The following CLEC4G variants were observed in gnomAD, a reference collection of about 807,000 sequenced individuals.
CLEC4G encodes the protein C-type lectin superfamily 4, member G.
In CLEC4G, 34 loss-of-function variants were observed where a neutral mutation model predicts 37.0. That is an observed-to-expected ratio of 0.92 (90% CI 0.70 to 1.22). The LOEUF (loss-of-function observed/expected upper bound fraction) is 1.22. Among genes scored for constraint, CLEC4G ranks in the 50% most tolerant of loss-of-function variants. CLEC4G has a pLI of 0.00. For missense variants in CLEC4G, 390 were observed against 392.9 expected, an observed-to-expected ratio of 0.99 and a Z score of 0.06; for synonymous variants, 167 against 165.6, an observed-to-expected ratio of 1.01 and a Z score of -0.06.
rs2033403557 is a variant in CLEC4G at position 7,730,049 on chromosome 19, G to A, written c.597C>T (p.His199=). Residue 199 remains histidine, a synonymous_variant, in exon 7 of 9, where the codon CAC becomes CAT. Transcript: ENST00000328853. This position sits in a 1 kb window ranked among gnomAD's most constrained non-coding sequence, Gnocchi z 7.3. ...CATCCAGGCCCCCAACGATCACCAG[G>A]TGCGCGCTGGCATCTGCGCAGTGAT... is the stretch of plus-strand genomic sequence containing the variant. ...AQDHCADASA[H]LVIVGGLDEQ... 6 of 1,603,562 alleles carry A rather than the reference G, an allele frequency of 3.7e-6. No homozygotes were observed. In the African/African-American group the frequency reaches 4.0e-5, roughly 11 times the overall value.
At position 7,731,323 on chromosome 19, in the gene CLEC4G, A is replaced by G; in HGVS notation, c.167-4T>C. On this transcript the variant is annotated splice_region_variant and splice_polypyrimidine_tract_variant and intron_variant, in intron 2 of 8. Coordinates refer to ENST00000328853, the MANE Select transcript of CLEC4G (RefSeq NM_198492.4). ...AGCGCCGCGCGCTCCGTGGAGGCTGAGGAGAGAGGCTCCTGCAGGCGAGGC... is the reference window on the plus strand; with the variant it reads ...AGCGCCGCGCGCTCCGTGGAGGCTGGGGAGAGAGGCTCCTGCAGGCGAGGC... 1 of 1,570,510 alleles carries G rather than the reference A, an allele frequency of 6.4e-7. No individual in the cohort carries two copies. The highest frequency in any genetic ancestry group is 1.3e-5 in the African/African-American group (1 of 74,476).
rs577665877 is a variant in CLEC4G, at chr19:7,729,648, G to A, written c.744-144C>T. 8 of 1,238,084 alleles carry A rather than the reference G, an allele frequency of 6.5e-6. No individual in the cohort carries two copies. In the Admixed American group the frequency reaches 1.3e-4, roughly 20 times the overall value. 76.7% of individuals were successfully genotyped at this position (1,238,084 alleles called of 1,614,324 possible). On this transcript the variant is annotated intron_variant, in intron 8 of 8. Transcript: ENST00000328853. ...ACTGTCTAACCTGAGTATACACCTG[G>A]TATATAACTTTTTAACGCCCAGAAT...
chr19:7,729,279 G>T lies in CLEC4G; in HGVS notation c.*87C>A. The T allele has an allele frequency of 1.1e-6, 1 of 884,190 alleles. No homozygotes were observed. Among genetic ancestry groups the T allele is most frequent in the Non-Finnish European group, 1.9e-6 (1 of 525,748 alleles). 54.8% of individuals were successfully genotyped at this position (884,190 alleles called of 1,614,324 possible). A position where few individuals can be genotyped will look rare whatever the true frequency, so the allele number is the denominator to read the frequency against. ...GTGGATGAGGAAGAAAAAACTCTTT[G>T]GCAATCAGCTCCAGGAGCCAGGGAG... On this transcript the variant is annotated 3_prime_UTR_variant, in exon 9 of 9. Coordinates refer to ENST00000328853, the MANE Select transcript of CLEC4G (RefSeq NM_198492.4).
chr19:7,729,892 G>A lies in CLEC4G; in HGVS notation c.672C>T (p.Gly224=), dbSNP rs751477877. 8 of 1,613,284 alleles carry A rather than the reference G, an allele frequency of 5.0e-6. No individual in the cohort carries two copies. Among genetic ancestry groups the A allele is most frequent in the Non-Finnish European group, 5.1e-6 (6 of 1,179,954 alleles). Residue 224 remains glycine, a synonymous_variant, in exon 8 of 9, where the codon GGC becomes GGT. Coordinates refer to ENST00000328853, the MANE Select transcript of CLEC4G (RefSeq NM_198492.4). ...TGCCCAGATGGCGCACAGCCCTCAGGCCCAGCCAGTAACCACGGCCACGCG... is the reference window on the plus strand; with the variant it reads ...TGCCCAGATGGCGCACAGCCCTCAGACCCAGCCAGTAACCACGGCCACGCG... The part of the protein sequence containing the change: ...RNTRGRGYWL[G]LRAVRHLGKV...
intron 7 of CLEC4G, 28 bp downstream of exon 7, chr19:7,729,991 C>T (rs779171175): frequency 1.4e-5 from 23 of 1,602,534 alleles, no homozygotes; most frequent in Non-Finnish European, 1.8e-5. Flanking sequence ...TGCCCCACCG[C>T]CTGACCACGC....
Position 7,729,197 on chromosome 19 carries a change from C to T in CLEC4G, c.*169G>A, listed in dbSNP as rs757600486. On this transcript the variant is annotated 3_prime_UTR_variant, in exon 9 of 9. Coordinates refer to ENST00000328853, the MANE Select transcript of CLEC4G (RefSeq NM_198492.4). ...AGGTCGGCATGGAGGTCCCAGAGCC[C>T]AGGCACTGGGCTGGACAGGGCTATG... The T allele has an allele frequency of 9.1e-5, 64 of 700,442 alleles. No individual in the cohort carries two copies. Among genetic ancestry groups the T allele is most frequent in the Middle Eastern group, 4.6e-4 (2 of 4,380 alleles). 43.4% of individuals were successfully genotyped at this position (700,442 alleles called of 1,614,324 possible). A position where few individuals can be genotyped will look rare whatever the true frequency, so the allele number is the denominator to read the frequency against.
At position 7,730,835 on chromosome 19, in the gene CLEC4G, T is replaced by C; in HGVS notation, c.308A>G (p.Gln103Arg). 5 of 1,530,960 alleles carry C rather than the reference T, an allele frequency of 3.3e-6. No individual in the cohort carries two copies. The highest frequency in any genetic ancestry group is 4.4e-6 in the Non-Finnish European group (5 of 1,145,416). 94.8% of individuals were successfully genotyped at this position (1,530,960 alleles called of 1,614,324 possible). Residue 103 changes from glutamine (Q) to arginine (R), a missense_variant, in exon 5 of 9, where the codon CAG becomes CGG. Transcript: ENST00000328853. This position sits in a 1 kb window ranked among gnomAD's most constrained non-coding sequence, Gnocchi z 7.3. ...CTCCCCAAGCTCCGCGCGCGTGGTC[T>C]GCAGCTGCGCCTGCGTCCCCGAGCC... is the stretch of plus-strand genomic sequence containing the variant. Reference protein sequence around the residue: ...SCCSGTQAQLQTTRAELGEAQ... With the variant: ...SCCSGTQAQLRTTRAELGEAQ...
rs767665694 is a variant in CLEC4G at position 7,730,166 on chromosome 19, G to A, written c.480C>T (p.Asn160=). The A allele has an allele frequency of 4.3e-6, 7 of 1,611,652 alleles. No homozygotes were observed. Among genetic ancestry groups the A allele is most frequent in the Non-Finnish European group, 5.9e-6 (7 of 1,179,270 alleles). Residue 160 remains asparagine, a splice_region_variant and synonymous_variant, in exon 7 of 9, where the codon AAC becomes AAT. Transcript: ENST00000328853. The surrounding 1 kb of genome is among the most constrained non-coding windows in gnomAD (Gnocchi z 7.3). ...ACGACGTGGGGCACGGCTCGCAGGA[G>A]TCTGCGGGGTGGCGAGGGTCAGAGA... ...RALEAVRLQN[N]SCEPCPTSWL...
rs2033388591 is a variant in CLEC4G, at chr19:7,729,224, T to C, written c.*142A>G. 3 of 718,180 alleles carry C rather than the reference T, an allele frequency of 4.2e-6. No homozygotes were observed. The highest frequency in any genetic ancestry group is 1.5e-5 in the South Asian group (1 of 68,136). 44.5% of individuals were successfully genotyped at this position (718,180 alleles called of 1,614,324 possible). A position where few individuals can be genotyped will look rare whatever the true frequency, so the allele number is the denominator to read the frequency against. Reference sequence around the variant, plus strand: ...GGCACTGGGCTGGACAGGGCTATGTTGGGCCAAGTGTTTCTGAGACTCAGC... The same window carrying C: ...GGCACTGGGCTGGACAGGGCTATGTCGGGCCAAGTGTTTCTGAGACTCAGC... On this transcript the variant is annotated 3_prime_UTR_variant, in exon 9 of 9. Coordinates refer to ENST00000328853, the MANE Select transcript of CLEC4G (RefSeq NM_198492.4).
rs2033429652 is a variant in CLEC4G at position 7,731,329 on chromosome 19, G to A, written c.167-10C>T. ...GCGCGCTCCGTGGAGGCTGAGGAGAGAGGCTCCTGCAGGCGAGGCCGGGAA... is the reference window on the plus strand; with the variant it reads ...GCGCGCTCCGTGGAGGCTGAGGAGAAAGGCTCCTGCAGGCGAGGCCGGGAA... On this transcript the variant is annotated splice_polypyrimidine_tract_variant and intron_variant, in intron 2 of 8. Coordinates refer to ENST00000328853, the MANE Select transcript of CLEC4G (RefSeq NM_198492.4). 1 of 1,567,416 alleles carries A rather than the reference G, an allele frequency of 6.4e-7. No homozygotes were observed. The highest frequency in any genetic ancestry group is 8.6e-7 in the Non-Finnish European group (1 of 1,161,922).
Position 7,729,329 on chromosome 19 carries a change from T to G in CLEC4G, c.*37A>C, listed in dbSNP as rs765567695. 23 of 1,459,160 alleles carry G rather than the reference T, an allele frequency of 1.6e-5. No individual in the cohort carries two copies. Among genetic ancestry groups the G allele is most frequent in the Non-Finnish European group, 2.2e-5 (23 of 1,042,858 alleles). The allele number at this position is 1,459,160 out of a possible 1,614,324, so 90.4% of individuals were successfully genotyped here. On this transcript the variant is annotated 3_prime_UTR_variant, in exon 9 of 9. Coordinates refer to ENST00000328853, the MANE Select transcript of CLEC4G (RefSeq NM_198492.4). ...GGTGAGCAGCCCCCAGGATACGACA[T>G]GCTGCAATGGGCGCGGCTCCAGGGC...
At chr19:7,729,769 T>C (rs1427533800) in intron 8 of CLEC4G, 52 bp downstream of exon 8, 1 of 1,607,930 alleles carries the variant, frequency 6.2e-7, no homozygotes, top group African/African-American at 1.3e-5. Flanking sequence ...GCATGTCCTC[T>C]AGAGCCTAAC....
At position 7,729,541 on chromosome 19, in the gene CLEC4G, T is replaced by G. The variant is rs199575411; in HGVS notation, c.744-37A>C. ...TTGAGTGGGGGTGTTGCTGGGAATCTAGACAGAGGATGAACTCGGGGTCCC... is the reference window on the plus strand; with the variant it reads ...TTGAGTGGGGGTGTTGCTGGGAATCGAGACAGAGGATGAACTCGGGGTCCC... On this transcript the variant is annotated intron_variant, in intron 8 of 8. Coordinates refer to ENST00000328853, the MANE Select transcript of CLEC4G (RefSeq NM_198492.4). 803 of 1,518,582 alleles carry G rather than the reference T, an allele frequency of 5.3e-4. 2 individuals are homozygous for G. The highest frequency in any genetic ancestry group is 5.7e-4 in the Non-Finnish European group (638 of 1,113,994). The allele number at this position is 1,518,582 out of a possible 1,614,324, so 94.1% of individuals were successfully genotyped here.
rs374423504 is a variant in CLEC4G at position 7,730,396 on chromosome 19, G to C, written c.433C>G (p.Arg145Gly). The part of the protein sequence containing the change: ...AEAGRGREDV[R>G]TELFRALEAV... Reference sequence around the variant, plus strand: ...TCCAGCGCCCGGAACAGCTCAGTGCGGACGTCCTCACGGCCCCTGCCGGCT... The same window carrying C: ...TCCAGCGCCCGGAACAGCTCAGTGCCGACGTCCTCACGGCCCCTGCCGGCT... Residue 145 changes from arginine to glycine, a missense_variant, in exon 6 of 9, where the codon CGC becomes GGC. Transcript: ENST00000328853. The surrounding 1 kb of genome is among the most constrained non-coding windows in gnomAD (Gnocchi z 7.3). 1.2e-5 allele frequency: 19 copies of C among 1,602,664 alleles called. No individual in the cohort carries two copies. In the Admixed American group the frequency reaches 2.8e-4, roughly 24 times the overall value.
intron 1 of CLEC4G, 59 bp downstream of exon 1, chr19:7,731,989 C>T (rs1223365887): frequency 1.0e-5 from 15 of 1,475,634 alleles, no homozygotes; most frequent in South Asian, 3.4e-5. Flanking sequence ...CTCTTCCCTC[C>T]CCTCCCCCAT....
At position 7,729,416 on chromosome 19, in the gene CLEC4G, A is replaced by ACGGTG; in HGVS notation, c.827_831dup (p.Cys278HisfsTer46). ...ATCCAGCCGTCCTTCTCGCTGTCAC[A>ACGGTG]CGGTGCGTCGTTCCACAGCCCCGTG... On this transcript the variant is annotated frameshift_variant, in exon 9 of 9. Transcript: ENST00000328853. LOFTEE classifies it high-confidence loss of function. 1.2e-6 allele frequency: 2 copies of ACGGTG among 1,607,744 alleles called. No homozygotes were observed.
At position 7,730,400 on chromosome 19, in the gene CLEC4G, G is replaced by A; in HGVS notation, c.429C>T (p.Asp143=). 1 of 1,602,538 alleles carries A rather than the reference G, an allele frequency of 6.2e-7. No individual in the cohort carries two copies. Among genetic ancestry groups the A allele is most frequent in the South Asian group, 1.1e-5 (1 of 91,074 alleles). ...GCGCCCGGAACAGCTCAGTGCGGAC[G>A]TCCTCACGGCCCCTGCCGGCTTCAG... ...GLAEAGRGRE[D]VRTELFRALE... Residue 143 remains aspartate, a synonymous_variant, in exon 6 of 9, where the codon GAC becomes GAT. Coordinates refer to ENST00000328853, the MANE Select transcript of CLEC4G (RefSeq NM_198492.4). This position sits in a 1 kb window ranked among gnomAD's most constrained non-coding sequence, Gnocchi z 7.3.
At chr19:7,729,563 TC>T (rs2033395334) in intron 8 of CLEC4G, 59 bp from the exon 9 acceptor site, 3 of 1,360,258 alleles carry the variant, frequency 2.2e-6, no homozygotes, top group Non-Finnish European at 3.1e-6. Flanking sequence ...GAACTCGGGG[TC>T]CCGCCTTCCT....
chr19:7,731,284 C>A lies in CLEC4G; in HGVS notation c.202G>T (p.Asp68Tyr), dbSNP rs199615445. The change falls in exon 3 of 9, where the codon GAC becomes TAC. Residue 68 changes from aspartate (D) to tyrosine (Y), a missense_variant. Transcript: ENST00000328853. ...TERAALLDGH[D>Y]LLRTNASKQT... ...CACACACCGTTTGTCCTCAGCAGGT[C>A]GTGGCCGTCAAGCAGCGCCGCGCGC... is the stretch of plus-strand genomic sequence containing the variant. 1.9e-6 allele frequency: 3 copies of A among 1,591,160 alleles called. No individual in the cohort carries two copies. Among genetic ancestry groups the A allele is most frequent in the African/African-American group, 1.3e-5 (1 of 74,834 alleles).
Sources: gnomAD v4.1 joint callset for allele counts on GRCh38, gnomAD v4.1.1 for gene constraint, Gnocchi (gnomAD v3.1) non-coding constraint, MANE v1.5 for transcripts, NCBI Gene and HGNC (gene_info 2026-07-23, HGNC 2026-07-21) for gene names.